MYCBP2: variants seen among roughly 807,000 people sequenced by gnomAD.
MYCBP2 encodes MYC binding protein 2.
A neutral mutation model predicts 525.3 loss-of-function variants in MYCBP2; 120 were observed. That is an observed-to-expected ratio of 0.23 (90% CI 0.20 to 0.27). The LOEUF is 0.27. MYCBP2 is among the 10% of genes least tolerant of loss of function. MYCBP2 has a pLI of 1.00. For missense variants in MYCBP2, 4,149 were observed against 5,657.1 expected, an observed-to-expected ratio of 0.73 and a Z score of 8.55; for synonymous variants, 1,894 against 1,955.8, an observed-to-expected ratio of 0.97 and a Z score of 0.83.
At chr13:77,048,706 A>T (rs1189496358) in intron 82 of MYCBP2, among the ~76,000 whole-genome samples, 4 of 152,106 alleles carry the variant, frequency 2.6e-5, no homozygotes, top group African/African-American at 9.7e-5. Context: ...TGGAGCAAAT[A>T]TGTGTGAAAA....
At chr13:77,191,882 A>G (rs2061332659) in intron 27 of MYCBP2, 69 bp from the exon 28 acceptor site, 16 of 1,482,940 alleles carry the variant, frequency 1.1e-5, no homozygotes, top group Non-Finnish European at 1.4e-5. Flanking sequence ...TATTTTTTCA[A>G]AATCCCTTGT....
Position 77,194,147 on chromosome 13 carries a change from AT to A in MYCBP2, c.3935+5del. On this transcript the variant is annotated splice_donor_5th_base_variant and intron_variant, in intron 27 of 82. Coordinates refer to ENST00000544440, the MANE Select transcript of MYCBP2 (RefSeq NM_015057.5). ...AGTTACAATGAATAATGCACAAATT[AT>A]TTACCTAGCAGCACAGTCATAAGCC... is the stretch of plus-strand genomic sequence containing the variant. 1 of 1,592,388 alleles carries A rather than the reference AT, an allele frequency of 6.3e-7. No homozygotes were observed. Among genetic ancestry groups the A allele is most frequent in the Non-Finnish European group, 8.6e-7 (1 of 1,163,876 alleles).
At position 77,296,744 on chromosome 13, in the gene MYCBP2, TG is replaced by T. The variant is rs141878897; in HGVS notation, c.303-71del. On this transcript the variant is annotated intron_variant, in intron 1 of 82. Transcript: ENST00000544440. Reference sequence around the variant, plus strand: ...TTAGGACATACAAAGCTATCAAAAATGGGTATTTCCAAAGTAGACATTTGGA... The same window carrying T: ...TTAGGACATACAAAGCTATCAAAAATGGTATTTCCAAAGTAGACATTTGGA... 6.5e-3 allele frequency: 7,565 copies of T among 1,159,358 alleles called. 36 individuals carry two copies. The highest frequency in any genetic ancestry group is 8.3e-3 in the Admixed American group (253 of 30,566). 71.8% of individuals were successfully genotyped at this position (1,159,358 alleles called of 1,614,324 possible). A position where few individuals can be genotyped will look rare whatever the true frequency, so the allele number is the denominator to read the frequency against.
chr13:77,196,538 G>A (rs1488125997), intron 26 of MYCBP2, among the ~76,000 whole-genome samples: 1 of 152,182 alleles, frequency 6.6e-6, no homozygotes, highest in Non-Finnish European at 1.5e-5. Context: ...TTTCAGAAGT[G>A]GTTAGATACG....
At chr13:77,090,080 A>G in intron 60 of MYCBP2, 26 bp downstream of exon 60, 3 of 1,580,946 alleles carry the variant, frequency 1.9e-6, no homozygotes, top group Non-Finnish European at 2.6e-6. Flanking sequence ...AGATCACTCA[A>G]TATTCTTTTT....
intron 17 of MYCBP2, among the ~76,000 whole-genome samples, chr13:77,240,468 C>G (rs1326198303): frequency 6.6e-6 from 1 of 151,978 alleles, no homozygotes; most frequent in Non-Finnish European, 1.5e-5. Context: ...ATTAGCCAGG[C>G]GTGGTGGCGG....
intron 8 of MYCBP2, among the ~76,000 whole-genome samples, chr13:77,265,777 T>A (rs2073981091): frequency 6.6e-6 from 1 of 152,194 alleles, no homozygotes; most frequent in Non-Finnish European, 1.5e-5. Context: ...ACAAAAGGCT[T>A]CTTCAGGCTT....
chr13:77,125,521 A>G (rs1370735729), intron 53 of MYCBP2, 53 bp from the exon 54 acceptor site: 1 of 1,602,688 alleles, frequency 6.2e-7, no homozygotes, highest in African/African-American at 1.3e-5. Context: ...CAGGGAACTC[A>G]GTCTGAAAAC....
chr13:77,321,221 A>AT (rs2081570094), intron 1 of MYCBP2, among the ~76,000 whole-genome samples: 1 of 152,166 alleles, frequency 6.6e-6, no homozygotes, highest in Admixed American at 6.5e-5. Flanking sequence ...TTAGATTGAC[A>AT]TTTTTATTTT....
At chr13:77,124,202 C>T (rs760495774) in intron 54 of MYCBP2, among the ~76,000 whole-genome samples, 7 of 152,020 alleles carry the variant, frequency 4.6e-5, no homozygotes, top group Non-Finnish European at 7.4e-5. Context: ...ACCATAGACA[C>T]GTTAGTTTAA....
chr13:77,196,582 G>C (rs2061775567), intron 26 of MYCBP2, among the ~76,000 whole-genome samples: 1 of 152,180 alleles, frequency 6.6e-6, no homozygotes, highest in African/African-American at 2.4e-5. Context: ...GATAATATTT[G>C]CTCCCGAAGT....
intron 80 of MYCBP2, among the ~76,000 whole-genome samples, chr13:77,054,505 G>A (rs1480560707): frequency 2.0e-5 from 3 of 152,044 alleles, no homozygotes; most frequent in Non-Finnish European, 4.4e-5. Context: ...AAATGATTAG[G>A]TTTGCTGGAG....
At position 77,277,604 on chromosome 13, in the gene MYCBP2, G is replaced by A. The variant is rs145766473; in HGVS notation, c.748+1154C>T. On this transcript the variant is annotated intron_variant, in intron 4 of 82. Transcript: ENST00000544440. ...CCTACAAAATCTAAATAGCCAAGTC[G>A]GAAAAAAAGGACCAAGTTTTAGTCT... 6.2e-3 allele frequency among the ~76,000 whole-genome samples: 938 copies of A among 152,152 alleles called. 2 individuals carry two copies. The highest frequency in any genetic ancestry group is 0.01 in the Middle Eastern group (3 of 294).
chr13:77,224,150 C>A lies in MYCBP2; in HGVS notation c.2939+301G>T, dbSNP rs534875088. ...ACTATTTTTCTATTGCCATGCACAG[C>A]CTTTAAAAAGATAATTGCTAAGAAT... On this transcript the variant is annotated intron_variant, in intron 20 of 82. Coordinates refer to ENST00000544440, the MANE Select transcript of MYCBP2 (RefSeq NM_015057.5). 3.3e-5 allele frequency among the ~76,000 whole-genome samples: 5 copies of A among 152,218 alleles called. 1 individual carries two copies. In the South Asian group the frequency reaches 6.2e-4, roughly 19 times the overall value.
intron 1 of MYCBP2, among the ~76,000 whole-genome samples, chr13:77,316,227 C>T (rs1168708435): frequency 1.3e-5 from 2 of 152,072 alleles, no homozygotes; most frequent in Non-Finnish European, 2.9e-5. Flanking sequence ...ATCAGAGATA[C>T]AAGGTTAACA....
chr13:77,110,302 C>T (rs1360441247), intron 55 of MYCBP2, among the ~76,000 whole-genome samples: 2 of 152,078 alleles, frequency 1.3e-5, no homozygotes, highest in Non-Finnish European at 2.9e-5. Context: ...CTGTCTTATT[C>T]GGTTGAGATA....
At chr13:77,226,283 T>C (rs2066256718) in intron 18 of MYCBP2, among the ~76,000 whole-genome samples, 1 of 152,204 alleles carries the variant, frequency 6.6e-6, no homozygotes, top group Non-Finnish European at 1.5e-5. Flanking sequence ...TTTAAGCCTT[T>C]TCTTTACCCT....
intron 46 of MYCBP2, 79 bp downstream of exon 46, chr13:77,155,979 G>T: frequency 7.2e-7 from 1 of 1,380,560 alleles, no homozygotes; most frequent in African/African-American, 1.4e-5. Flanking sequence ...TGGACTCTCA[G>T]CACTTGGCAT....
chr13:77,217,977 AGT>A lies in MYCBP2; in HGVS notation c.2940-22_2940-21del. ...CATCCCCTAGGTTAAAAAAAAAAAA[AGT>A]AAGTCAATTTCTTACAAAACTCAAC... On this transcript the variant is annotated intron_variant, in intron 20 of 82. Coordinates refer to ENST00000544440, the MANE Select transcript of MYCBP2 (RefSeq NM_015057.5). 2 of 1,355,322 alleles carry A rather than the reference AGT, an allele frequency of 1.5e-6. No homozygotes were observed. Among genetic ancestry groups the A allele is most frequent in the Non-Finnish European group, 2.1e-6 (2 of 969,968 alleles). 84.0% of individuals were successfully genotyped at this position (1,355,322 alleles called of 1,614,324 possible).
Sources: gnomAD v4.1 joint callset for allele counts (sites outside exome capture counted in the v4.1 genomes callset) on GRCh38, gnomAD v4.1.1 for gene constraint, MANE v1.5 for transcripts, NCBI Gene and HGNC (gene_info 2026-07-23, HGNC 2026-07-21) for gene names.